Variants in CSTPP1 observed in about 807,000 individuals in gnomAD.
CSTPP1 encodes the protein UPF0705 protein C11orf49.
chr11:47,107,317 C>T, the CSTPP1 span, among the ~76,000 whole-genome samples: 7 of 152,154 alleles, frequency 4.6e-5, no homozygotes, highest in South Asian at 2.1e-4. Context: ...TGAAGAGGAA[C>T]GATTGAGTCC....
chr11:47,049,753 T>C, the CSTPP1 span, among the ~76,000 whole-genome samples: 1 of 151,724 alleles, frequency 6.6e-6, no homozygotes, highest in Non-Finnish European at 1.5e-5. Context: ...CCTCAGCCTC[T>C]GAGTAGAACT....
At chr11:47,015,243 G>C in the CSTPP1 span, among the ~76,000 whole-genome samples, 115,384 of 151,884 alleles carry the variant, frequency 0.76, 44,563 homozygotes, top group African/African-American at 0.84. Context: ...CCAAGGCAGG[G>C]GGATCGCGAG....
chr11:46,948,892 C>T, the CSTPP1 span, among the ~76,000 whole-genome samples: 12 of 152,124 alleles, frequency 7.9e-5, no homozygotes, highest in African/African-American at 2.9e-4. Flanking sequence ...AAGCTCCACA[C>T]GTCAGTTATG....
At chr11:47,113,775 A>C in the CSTPP1 span, among the ~76,000 whole-genome samples, 2 of 152,006 alleles carry the variant, frequency 1.3e-5, no homozygotes, top group African/African-American at 4.8e-5. Context: ...AGATTGCAAA[A>C]ATTTTCTCCC....
At chr11:47,080,763 C>T in the CSTPP1 span, among the ~76,000 whole-genome samples, 4 of 152,000 alleles carry the variant, frequency 2.6e-5, no homozygotes, top group Admixed American at 1.3e-4. Context: ...AATCCTAGCA[C>T]GTTGGGAGGC....
At chr11:46,976,961 T>C in the CSTPP1 span, among the ~76,000 whole-genome samples, 118,648 of 152,136 alleles carry the variant, frequency 0.78, 47,303 homozygotes, top group African/African-American at 0.91. Flanking sequence ...CAAGGGTCAA[T>C]CGTATTTCAC....
At chr11:46,970,280 A>C in the CSTPP1 span, among the ~76,000 whole-genome samples, 1 of 151,934 alleles carries the variant, frequency 6.6e-6, no homozygotes, top group Non-Finnish European at 1.5e-5. Flanking sequence ...CCGGAAATAG[A>C]TGCCAAAGAA....
the CSTPP1 span, among the ~76,000 whole-genome samples, chr11:46,979,764 T>G: frequency 6.6e-6 from 1 of 152,048 alleles, no homozygotes; most frequent in Non-Finnish European, 1.5e-5. Context: ...AGTACAAAAA[T>G]TAGCTGAGCA....
At chr11:47,094,454 C>G in the CSTPP1 span, among the ~76,000 whole-genome samples, 1 of 151,358 alleles carries the variant, frequency 6.6e-6, no homozygotes, top group Non-Finnish European at 1.5e-5. Context: ...GAGGGTAGAT[C>G]TCATGTCAAT....
the CSTPP1 span, chr11:47,157,315 G>C: frequency 7.6e-7 from 1 of 1,311,298 alleles, no homozygotes; most frequent in Non-Finnish European, 1.0e-6. Context: ...CGCGGCCCAG[G>C]CATTCTAGGG....
chr11:47,137,270 G>T, the CSTPP1 span: 1 of 1,305,676 alleles, frequency 7.7e-7, no homozygotes, highest in Non-Finnish European at 1.0e-6. Flanking sequence ...CCATGCCAGA[G>T]AATTTCAGCA....
At chr11:47,034,493 T>C in the CSTPP1 span, among the ~76,000 whole-genome samples, 1 of 134,134 alleles carries the variant, frequency 7.5e-6, no homozygotes, top group East Asian at 2.0e-4. Context: ...CTCAATGATT[T>C]TTAAAAGCTT....
the CSTPP1 span, among the ~76,000 whole-genome samples, chr11:47,100,744 TG>T: frequency 6.6e-6 from 1 of 152,190 alleles, no homozygotes; most frequent in Non-Finnish European, 1.5e-5. Context: ...GAGCCGACAT[TG>T]TGCCACTGTA....
chr11:47,032,651 T>C, the CSTPP1 span, among the ~76,000 whole-genome samples: 2 of 152,348 alleles, frequency 1.3e-5, no homozygotes, highest in African/African-American at 4.8e-5. Flanking sequence ...TGTGGCTAGA[T>C]AATCCATAGA....
chr11:47,132,637 T>G, the CSTPP1 span, among the ~76,000 whole-genome samples: 1 of 152,214 alleles, frequency 6.6e-6, no homozygotes, highest in East Asian at 1.9e-4. Context: ...GGTCATCTGA[T>G]TGCAAAGTCA....
At chr11:47,113,106 T>TTGTGA in the CSTPP1 span, among the ~76,000 whole-genome samples, 1 of 152,216 alleles carries the variant, frequency 6.6e-6, no homozygotes, top group Non-Finnish European at 1.5e-5. Flanking sequence ...TTTTCTGTCC[T>TTGTGA]TGTGACAGTT....
the CSTPP1 span, among the ~76,000 whole-genome samples, chr11:47,009,133 A>C: frequency 6.6e-6 from 1 of 152,104 alleles, no homozygotes; most frequent in Non-Finnish European, 1.5e-5. Context: ...AAGTGGCACT[A>C]AATGCTCAGC....
chr11:47,013,968 G>C, the CSTPP1 span, among the ~76,000 whole-genome samples: 1 of 152,170 alleles, frequency 6.6e-6, no homozygotes, highest in Admixed American at 6.5e-5. Flanking sequence ...CACTTTGGGA[G>C]GCCAAGGTGG....
At chr11:46,977,257 A>T in the CSTPP1 span, among the ~76,000 whole-genome samples, 48 of 152,330 alleles carry the variant, frequency 3.2e-4, no homozygotes, top group Non-Finnish European at 5.9e-4. Flanking sequence ...AGCAGCCAGC[A>T]CTAGGGTTAA....
Sources: gnomAD v4.1 joint callset for allele counts (sites outside exome capture counted in the v4.1 genomes callset) on GRCh38, gnomAD v4.1.1 for gene constraint, MANE v1.5 for transcripts, NCBI Gene and HGNC (gene_info 2026-07-23, HGNC 2026-07-21) for gene names.